The following SNTB2 variants were observed in gnomAD, a reference collection of about 807,000 sequenced individuals.
SNTB2 encodes the protein beta-2-syntrophin.
In SNTB2, 34 loss-of-function variants were observed where a neutral mutation model predicts 46.2. The observed-to-expected ratio is 0.74, with a 90% CI of 0.56 to 0.98. SNTB2 has a LOEUF of 0.98. Ranked by LOEUF, SNTB2 falls within the 50% of genes least tolerant of loss-of-function variation. The pLI is 0.00. For missense variants in SNTB2, 603 were observed against 731.4 expected (o/e 0.82, Z 2.02); for synonymous variants, 290 against 312.6 (o/e 0.93, Z 0.76).
At position 69,309,007 on chromosome 16, in the gene SNTB2, T is replaced by C. The variant is rs1965336253; in HGVS notation, c.*8083T>C. 6.6e-6 allele frequency: 1 copy of C among 152,406 alleles called. No individual in the cohort carries two copies. Among genetic ancestry groups the C allele is most frequent in the African/African-American group, 2.4e-5 (1 of 41,398 alleles). The allele number at this position is 152,406 out of a possible 1,614,324, so 9.4% of individuals were successfully genotyped here. A position where few individuals can be genotyped will look rare whatever the true frequency, so the allele number is the denominator to read the frequency against. The stretch of plus-strand genomic sequence containing the variant: ...GGTATTATATATATAAATACATATA[T>C]ACCTTTGTAACCTTTATACTGTAAA... On this transcript the variant is annotated 3_prime_UTR_variant, in exon 7 of 7. Coordinates refer to ENST00000336278, the MANE Select transcript of SNTB2 (RefSeq NM_006750.4).
intron 3 of SNTB2, among the ~76,000 whole-genome samples, chr16:69,263,279 A>T (rs1964853823): frequency 6.6e-6 from 1 of 151,550 alleles, no homozygotes; most frequent in South Asian, 2.1e-4. Flanking sequence ...GCTAATTTTA[A>T]AATTATTTTT....
intron 1 of SNTB2, among the ~76,000 whole-genome samples, chr16:69,217,947 T>C (rs1964364310): frequency 6.6e-6 from 1 of 152,196 alleles, no homozygotes; most frequent in African/African-American, 2.4e-5. Context: ...AGCTCTGAAA[T>C]TCTGTTATCT....
intron 2 of SNTB2, among the ~76,000 whole-genome samples, chr16:69,247,686 C>T (rs937491534): frequency 6.6e-6 from 1 of 152,152 alleles, no homozygotes; most frequent in Non-Finnish European, 1.5e-5. Flanking sequence ...CCTTCACTTC[C>T]ATACACCACC....
At chr16:69,252,424 G>A (rs1223250208) in intron 2 of SNTB2, among the ~76,000 whole-genome samples, 1 of 152,182 alleles carries the variant, frequency 6.6e-6, no homozygotes, top group African/African-American at 2.4e-5. Flanking sequence ...AATCAGTATT[G>A]TAGGCAGTGT....
chr16:69,199,044 A>G (rs1597169145), intron 1 of SNTB2, among the ~76,000 whole-genome samples: 1 of 151,764 alleles, frequency 6.6e-6, no homozygotes, highest in East Asian at 1.9e-4. Flanking sequence ...TTACAGGCGC[A>G]CGCCACCATG....
intron 1 of SNTB2, chr16:69,242,078 T>C (rs1036965823): frequency 6.6e-6 from 1 of 152,138 alleles, no homozygotes; most frequent in African/African-American, 2.4e-5. Flanking sequence ...TCCTATCCAG[T>C]GCATTATAGT....
Position 69,301,615 on chromosome 16 carries a change from G to A in SNTB2, c.*691G>A, listed in dbSNP as rs1965278075. 1 of 152,616 alleles carries A rather than the reference G, an allele frequency of 6.6e-6. No individual in the cohort carries two copies. The highest frequency in any genetic ancestry group is 2.1e-4 in the South Asian group (1 of 4,836). The allele number at this position is 152,616 out of a possible 1,614,324, so 9.5% of individuals were successfully genotyped here. ...TGCCTTCTACTTCCTTTCTAGTGGT[G>A]ACTGAGTTGAAAAGCAAGTTGGAAG... On this transcript the variant is annotated 3_prime_UTR_variant, in exon 7 of 7. Coordinates refer to ENST00000336278, the MANE Select transcript of SNTB2 (RefSeq NM_006750.4).
At chr16:69,202,103 T>C (rs192615208) in intron 1 of SNTB2, among the ~76,000 whole-genome samples, 5 of 152,336 alleles carry the variant, frequency 3.3e-5, no homozygotes. Flanking sequence ...CTTTCAGTTA[T>C]CCCTTCACAT....
intron 2 of SNTB2, among the ~76,000 whole-genome samples, chr16:69,257,718 T>A (rs1442277979): frequency 6.6e-6 from 1 of 152,226 alleles, no homozygotes; most frequent in Non-Finnish European, 1.5e-5. Flanking sequence ...GTGCTGGGAT[T>A]ACAGGCGTAA....
At chr16:69,283,432 G>T (rs77974196) in intron 4 of SNTB2, among the ~76,000 whole-genome samples, 3 of 152,056 alleles carry the variant, frequency 2.0e-5, no homozygotes, top group African/African-American at 4.8e-5. Flanking sequence ...GATAAAACCC[G>T]ACTTTATGTT....
intron 2 of SNTB2, among the ~76,000 whole-genome samples, chr16:69,251,135 C>T (rs1354363460): frequency 2.6e-5 from 4 of 150,960 alleles, no homozygotes; most frequent in African/African-American, 4.8e-5. Context: ...CCCGCCACTA[C>T]GCCCGGCTAA....
chr16:69,199,919 G>T (rs550759535), intron 1 of SNTB2, among the ~76,000 whole-genome samples: 5 of 151,982 alleles, frequency 3.3e-5, no homozygotes, highest in African/African-American at 9.7e-5. Flanking sequence ...GGAAGACAGA[G>T]ACTTTTTTTT....
At position 69,306,301 on chromosome 16, in the gene SNTB2, T is replaced by C. The variant is rs1207800776; in HGVS notation, c.*5377T>C. On this transcript the variant is annotated 3_prime_UTR_variant, in exon 7 of 7. Transcript: ENST00000336278. ...CTGCCAACTAGAAGAATGGTTGTTA[T>C]GTAGTAACTCAGAAGAATCTTTTAA... 3 of 152,232 alleles carry C rather than the reference T, an allele frequency of 2.0e-5. No homozygotes were observed. Among genetic ancestry groups the C allele is most frequent in the Non-Finnish European group, 4.4e-5 (3 of 68,040 alleles). 9.4% of individuals were successfully genotyped at this position (152,232 alleles called of 1,614,324 possible). A position where few individuals can be genotyped will look rare whatever the true frequency, so the allele number is the denominator to read the frequency against.
Position 69,303,600 on chromosome 16 carries a change from C to T in SNTB2, c.*2676C>T, listed in dbSNP as rs1965293262. On this transcript the variant is annotated 3_prime_UTR_variant, in exon 7 of 7. Coordinates refer to ENST00000336278, the MANE Select transcript of SNTB2 (RefSeq NM_006750.4). ...TGTGAAATGAAAGTGTGGGAGGTTT[C>T]CTTTGTCCATTAGCAGCCCCAAGAA... The T allele has an allele frequency of 6.6e-6, 1 of 152,604 alleles. No individual in the cohort carries two copies. The highest frequency in any genetic ancestry group is 1.5e-5 in the Non-Finnish European group (1 of 68,044). 9.5% of individuals were successfully genotyped at this position (152,604 alleles called of 1,614,324 possible).
chr16:69,241,969 A>G (rs1209497255), intron 1 of SNTB2: 3 of 149,802 alleles, frequency 2.0e-5, no homozygotes, highest in Non-Finnish European at 4.4e-5. Context: ...ACTTGCATTC[A>G]GTTTAAAATC....
At chr16:69,291,978 G>T (rs1005831600) in intron 5 of SNTB2, among the ~76,000 whole-genome samples, 33 of 151,234 alleles carry the variant, frequency 2.2e-4, no homozygotes, top group African/African-American at 7.8e-4. Context: ...CTAGCACTTT[G>T]GGAGGCCGAG....
intron 5 of SNTB2, among the ~76,000 whole-genome samples, chr16:69,294,292 C>G (rs920630289): frequency 9.2e-5 from 14 of 152,158 alleles, no homozygotes; most frequent in Non-Finnish European, 2.9e-5. Flanking sequence ...GCTGGAATTA[C>G]AGGCATGAGC....
At chr16:69,242,069 C>G (rs1241266578) in intron 1 of SNTB2, 1 of 151,836 alleles carries the variant, frequency 6.6e-6, no homozygotes, top group Non-Finnish European at 1.5e-5. Flanking sequence ...GATTTTGGAT[C>G]CTATCCAGTG....
chr16:69,220,071 G>T (rs193222863), intron 1 of SNTB2, among the ~76,000 whole-genome samples: 1 of 151,162 alleles, frequency 6.6e-6, no homozygotes, highest in Non-Finnish European at 1.5e-5. Context: ...ATTTTTAAGC[G>T]AAGGTACCCA....
Sources: allele counts gnomAD v4.1 joint callset (sites outside exome capture counted in the v4.1 genomes callset), GRCh38; gene constraint gnomAD v4.1.1; transcripts MANE v1.5; gene names NCBI Gene and HGNC (gene_info 2026-07-23, HGNC 2026-07-21).